WNK1: variants seen among roughly 807,000 people sequenced by gnomAD.
WNK1 encodes the protein WNK lysine deficient protein kinase 1, also known as serine/threonine-protein kinase WNK1.
WNK1 carries 38 observed loss-of-function variants against 222.8 expected under a neutral mutation model. The observed-to-expected ratio is 0.17, with a 90% confidence interval of 0.13 to 0.22. WNK1 has a LOEUF of 0.22. WNK1 is among the 10% of genes least tolerant of loss of function. The pLI, the probability that WNK1 is intolerant of heterozygous loss-of-function variation, is 1.00. For missense variants in WNK1, 2,348 were observed against 2,918.4 expected, an observed-to-expected ratio of 0.80 and a Z score of 4.50; for synonymous variants, 1,090 against 1,092.9, an observed-to-expected ratio of 1.00 and a Z score of 0.05.
rs1478102009 is a variant in WNK1 at position 868,481 on chromosome 12, G to A, written c.2140-2784G>A. The A allele has an allele frequency of 3.7e-6, 6 of 1,613,854 alleles. No individual in the cohort carries two copies. The South Asian group carries it at 5.5e-5, about 15-fold the overall frequency. ...CCTTCAGAATCTAAGATTAGATTCTGGATTGGGTCCGGGATCTCCCCTCTC... is the reference window on the plus strand; with the variant it reads ...CCTTCAGAATCTAAGATTAGATTCTAGATTGGGTCCGGGATCTCCCCTCTC... On this transcript the variant is annotated intron_variant, in intron 8 of 27. Transcript: ENST00000315939.
At chr12:856,471 A>C (rs1179998146) in intron 4 of WNK1, among the ~76,000 whole-genome samples, 1 of 150,822 alleles carries the variant, frequency 6.6e-6, no homozygotes, top group Non-Finnish European at 1.5e-5. Flanking sequence ...AAAAAAAAAT[A>C]AGAAAGAATT....
chr12:825,128 ACT>A (rs1948247990), intron 2 of WNK1, among the ~76,000 whole-genome samples: 1 of 152,094 alleles, frequency 6.6e-6, no homozygotes, highest in African/African-American at 2.4e-5. Context: ...TGTAACCAAA[ACT>A]CTCAAGATAG....
At chr12:908,401 G>T in intron 27 of WNK1, 74 bp from the exon 28 acceptor site, 6 of 1,415,410 alleles carry the variant, frequency 4.2e-6, no homozygotes, top group Non-Finnish European at 6.0e-6. Flanking sequence ...GATTATACTA[G>T]AAGTATATGT....
Position 753,342 on chromosome 12 carries a change from C to T in WNK1, c.-224C>T, listed in dbSNP as rs1343603312. On this transcript the variant is annotated 5_prime_UTR_variant, in exon 1 of 28. Transcript: ENST00000315939. The surrounding 1 kb of genome is among the most constrained non-coding windows in gnomAD (Gnocchi z 5.2). The stretch of plus-strand genomic sequence containing the variant: ...CCCGAATCGCCCGCCTTCGAGCCCT[C>T]CTCGTGAGCCGCAGCAGCCTCGGTG... 10 of 602,062 alleles carry T rather than the reference C, an allele frequency of 1.7e-5. No individual in the cohort carries two copies. Among genetic ancestry groups the T allele is most frequent in the African/African-American group, 5.8e-5 (3 of 51,850 alleles). 37.3% of individuals were successfully genotyped at this position (602,062 alleles called of 1,614,324 possible). A position where few individuals can be genotyped will look rare whatever the true frequency, so the allele number is the denominator to read the frequency against.
At chr12:768,628 A>G (rs1052027086) in intron 1 of WNK1, among the ~76,000 whole-genome samples, 3 of 152,116 alleles carry the variant, frequency 2.0e-5, no homozygotes, top group Non-Finnish European at 2.9e-5. Flanking sequence ...CATAAATACC[A>G]CTATTATAGG....
intron 1 of WNK1, among the ~76,000 whole-genome samples, chr12:772,447 A>G (rs1302492732): frequency 1.3e-5 from 2 of 151,656 alleles, no homozygotes; most frequent in South Asian, 4.2e-4. Flanking sequence ...GTGTGTATGT[A>G]TAGGGGTGTG....
At position 889,011 on chromosome 12, in the gene WNK1, GT is replaced by G. The variant is rs938839046; in HGVS notation, c.5365-127del. ...ACTAAATTTGAGTATAGTTTTGTAT[GT>G]TCCATAAAGACAAATGTTATGTTGT... On this transcript the variant is annotated intron_variant, in intron 20 of 27. Coordinates refer to ENST00000315939, the MANE Select transcript of WNK1 (RefSeq NM_018979.4). 1.6e-5 allele frequency: 13 copies of G among 795,308 alleles called. No individual in the cohort carries two copies. In the Admixed American group the frequency reaches 2.2e-4, roughly 13 times the overall value. The allele number at this position is 795,308 out of a possible 1,614,324, so 49.3% of individuals were successfully genotyped here. A position where few individuals can be genotyped will look rare whatever the true frequency, so the allele number is the denominator to read the frequency against.
At chr12:897,137 C>G (rs951554540) in intron 24 of WNK1, among the ~76,000 whole-genome samples, 2 of 152,274 alleles carry the variant, frequency 1.3e-5, no homozygotes, top group Middle Eastern at 3.4e-3. Context: ...CTAAATGAAT[C>G]TGGCACTGGG....
Position 909,928 on chromosome 12 carries a change from G to A in WNK1, c.*1136G>A, listed in dbSNP as rs1423920750. ...TGGCATCAGTGGTTAAAAACAGAAAGTTCTGTTTCGGGAATAGTGAGGAGG... is the reference window on the plus strand; with the variant it reads ...TGGCATCAGTGGTTAAAAACAGAAAATTCTGTTTCGGGAATAGTGAGGAGG... On this transcript the variant is annotated 3_prime_UTR_variant, in exon 28 of 28. Transcript: ENST00000315939. The A allele has an allele frequency of 1.3e-5, 2 of 152,212 alleles. No individual in the cohort carries two copies. The highest frequency in any genetic ancestry group is 4.8e-5 in the African/African-American group (2 of 41,436). 9.4% of individuals were successfully genotyped at this position (152,212 alleles called of 1,614,324 possible).
intron 1 of WNK1, among the ~76,000 whole-genome samples, chr12:777,274 C>T (rs1197923974): frequency 1.3e-5 from 2 of 151,680 alleles, no homozygotes; most frequent in Non-Finnish European, 2.9e-5. Flanking sequence ...GGAATTCTGC[C>T]TCAGCCTCCT....
chr12:867,306 C>T (rs1951756057), intron 8 of WNK1, among the ~76,000 whole-genome samples: 1 of 152,100 alleles, frequency 6.6e-6, no homozygotes, highest in African/African-American at 2.4e-5. Context: ...ATATCTTTTA[C>T]TATCCACCAA....
chr12:817,917 A>G (rs1407212683), intron 2 of WNK1, among the ~76,000 whole-genome samples: 1 of 152,140 alleles, frequency 6.6e-6, no homozygotes, highest in Non-Finnish European at 1.5e-5. Context: ...GTGCCACTGC[A>G]CTCTAGCCTG....
At chr12:826,976 TG>T (rs1948408882) in intron 2 of WNK1, 65 bp from the exon 3 acceptor site, 3 of 1,315,710 alleles carry the variant, frequency 2.3e-6, no homozygotes, top group Non-Finnish European at 3.3e-6. Context: ...TAGAATTTAA[TG>T]GAATTCTTCA....
Position 880,035 on chromosome 12 carries a change from T to C in WNK1, c.2832+4T>C. ...CTCTGGAGATGTTCTGTACCAGGTA[T>C]TGTGTTAGTTAGCAAAAGAGGGCAC... On this transcript the variant is annotated splice_donor_region_variant and intron_variant, in intron 11 of 27. Coordinates refer to ENST00000315939, the MANE Select transcript of WNK1 (RefSeq NM_018979.4). The C allele has an allele frequency of 6.2e-7, 1 of 1,613,718 alleles. No individual in the cohort carries two copies. Among genetic ancestry groups the C allele is most frequent in the Non-Finnish European group, 8.5e-7 (1 of 1,179,882 alleles).
chr12:814,131 C>A (rs938772476), intron 2 of WNK1, among the ~76,000 whole-genome samples: 8 of 150,834 alleles, frequency 5.3e-5, no homozygotes, highest in African/African-American at 1.7e-4. Flanking sequence ...GAGTTCGAGA[C>A]CAGCCTGGCC....
intron 1 of WNK1, among the ~76,000 whole-genome samples, chr12:800,174 A>G (rs545315529): frequency 6.6e-6 from 1 of 152,100 alleles, no homozygotes; most frequent in Non-Finnish European, 1.5e-5. Flanking sequence ...CTGAATATTT[A>G]TTTGGACTGA....
chr12:845,065 T>G (rs1420285553), intron 4 of WNK1, among the ~76,000 whole-genome samples: 1 of 150,646 alleles, frequency 6.6e-6, no homozygotes. Flanking sequence ...CCGGCTAATT[T>G]TTTGTATTTT....
At chr12:772,235 G>A (rs557986704) in intron 1 of WNK1, among the ~76,000 whole-genome samples, 1 of 152,350 alleles carries the variant, frequency 6.6e-6, no homozygotes, top group East Asian at 1.9e-4. Flanking sequence ...TACTGTGTAT[G>A]ACACACTGGT....
intron 1 of WNK1, among the ~76,000 whole-genome samples, chr12:791,775 AT>A (rs11346820): frequency 0.01 from 1,596 of 152,004 alleles, 31 homozygotes; most frequent in African/African-American, 0.036. Flanking sequence ...TTTCTTGATA[AT>A]TTTTTTTATC....
Sources: gnomAD v4.1 joint callset for allele counts (sites outside exome capture counted in the v4.1 genomes callset) on GRCh38, gnomAD v4.1.1 for gene constraint, Gnocchi (gnomAD v3.1) non-coding constraint, MANE v1.5 for transcripts, NCBI Gene and HGNC (gene_info 2026-07-23, HGNC 2026-07-21) for gene names.